The following PTCHD4 variants were observed in gnomAD, a reference collection of about 807,000 sequenced individuals.
The protein encoded by PTCHD4 is patched domain containing 4.
PTCHD4 carries 33 observed loss-of-function variants against 58.1 expected under a neutral mutation model. The ratio of observed to expected loss-of-function variants is 0.57; its 90% CI spans 0.43 to 0.76. The LOEUF is 0.76. Among genes scored for constraint, PTCHD4 ranks in the 30% least tolerant of loss-of-function variants. The probability of loss-of-function intolerance (pLI) is 0.00; values close to 1 mark genes in which losing one functional copy is unlikely to be tolerated. For synonymous variants in PTCHD4, 478 were observed against 409.6 expected (o/e 1.17, Z -2.02); for missense variants, 1,058 against 1,027.1 (o/e 1.03, Z -0.41).
At chr6:47,908,533 C>G (rs558437114) in intron 4 of PTCHD4, among the ~76,000 whole-genome samples, 6 of 152,218 alleles carry the variant, frequency 3.9e-5, no homozygotes, top group African/African-American at 1.4e-4. Flanking sequence ...TGATATTACC[C>G]CATTGTGGGG....
chr6:48,009,088 G>A lies in PTCHD4; in HGVS notation c.444C>T (p.His148=). The change falls in exon 4 of 5, where the codon CAC becomes CAT. Residue 148 remains histidine (H), a synonymous_variant. Coordinates refer to ENST00000339488, the MANE Select transcript of PTCHD4 (RefSeq NM_001384253.1). ...MKDGRNSFIG[H]QLGGVVEVPN... The stretch of plus-strand genomic sequence containing the variant: ...GCACTTCCACTACCCCGCCCAGTTG[G>A]TGTCCAATAAAACTGTTCCTCCCAT... 6.2e-7 allele frequency: 1 copy of A among 1,612,546 alleles called. No homozygotes were observed. The highest frequency in any genetic ancestry group is 1.3e-5 in the African/African-American group (1 of 74,978).
chr6:47,917,661 G>C (rs1331299302), intron 4 of PTCHD4, among the ~76,000 whole-genome samples: 1 of 152,110 alleles, frequency 6.6e-6, no homozygotes, highest in Non-Finnish European at 1.5e-5. Flanking sequence ...AAAAAGGTCT[G>C]AAATCTTACA....
Position 47,872,260 on chromosome 6 carries a change from G to A in PTCHD4, c.*6043C>T, listed in dbSNP as rs192739849. ...TTTTATTAAACACCAGTAATCTTTCGTCCATGAGAGTGTTTCCTAGTTATT... is the reference window on the plus strand; with the variant it reads ...TTTTATTAAACACCAGTAATCTTTCATCCATGAGAGTGTTTCCTAGTTATT... On this transcript the variant is annotated 3_prime_UTR_variant, in exon 5 of 5. Transcript: ENST00000339488. Among the ~76,000 whole-genome samples the A allele has an allele frequency of 3.4e-4, 51 of 151,652 alleles. No individual in the cohort carries two copies. The highest frequency in any genetic ancestry group is 7.8e-4 in the East Asian group (4 of 5,132).
intron 3 of PTCHD4, among the ~76,000 whole-genome samples, chr6:48,035,057 C>A (rs1197172748): frequency 6.6e-6 from 1 of 152,064 alleles, no homozygotes; most frequent in African/African-American, 2.4e-5. Flanking sequence ...AAATGTATAT[C>A]AAATGCAAAA....
Position 47,958,359 on chromosome 6 carries a change from C to A in PTCHD4, c.898+50275G>T, listed in dbSNP as rs114424482. On this transcript the variant is annotated intron_variant, in intron 4 of 4. Transcript: ENST00000339488. ...ACAAGACAACATCTAAAAGACAAGA[C>A]CACACCTAAAACAACCAAGAACTGG... 3.4e-3 allele frequency among the ~76,000 whole-genome samples: 520 copies of A among 152,228 alleles called. 7 individuals carry two copies. The highest frequency in any genetic ancestry group is 0.012 in the African/African-American group (496 of 41,556).
Position 47,878,137 on chromosome 6 carries a change from T to C in PTCHD4, c.*166A>G. 1 of 555,506 alleles carries C rather than the reference T, an allele frequency of 1.8e-6. No homozygotes were observed. The allele number at this position is 555,506 out of a possible 1,614,324, so 34.4% of individuals were successfully genotyped here. ...AACTTTTTCCTCTTTTTTTATTCCC[T>C]CTTCCCCCCAAGAAGCAGGCACCTT... On this transcript the variant is annotated 3_prime_UTR_variant, in exon 5 of 5. Coordinates refer to ENST00000339488, the MANE Select transcript of PTCHD4 (RefSeq NM_001384253.1).
chr6:48,020,244 C>A (rs1473868142), intron 3 of PTCHD4, among the ~76,000 whole-genome samples: 2 of 151,942 alleles, frequency 1.3e-5, no homozygotes, highest in Non-Finnish European at 2.9e-5. Flanking sequence ...GCAAGACTTA[C>A]CTAACTGATT....
rs139803192 is a variant in PTCHD4, at chr6:47,874,673, C to A, written c.*3630G>T. ...ACATTTGTCATCATTATTCTTCTCA[C>A]CTCACAAGGTAAAAACCTAAATTCT... On this transcript the variant is annotated 3_prime_UTR_variant, in exon 5 of 5. Transcript: ENST00000339488. Among the ~76,000 whole-genome samples, 139 of 151,740 alleles carry A rather than the reference C, an allele frequency of 9.2e-4. 2 individuals are homozygous for A. Among genetic ancestry groups the A allele is most frequent in the Middle Eastern group, 6.8e-3 (2 of 294 alleles).
chr6:47,904,193 G>C (rs1231467136), intron 4 of PTCHD4, among the ~76,000 whole-genome samples: 1 of 152,196 alleles, frequency 6.6e-6, no homozygotes, highest in Admixed American at 6.5e-5. Context: ...CATTAGATAA[G>C]ATCACCTTGG....
At chr6:48,080,866 C>T (rs989244816) in intron 1 of PTCHD4, among the ~76,000 whole-genome samples, 1 of 152,176 alleles carries the variant, frequency 6.6e-6, no homozygotes, top group African/African-American at 2.4e-5. Context: ...CCACCAGCCT[C>T]AGCTCTCCCG....
chr6:47,970,945 T>C (rs1767483878), intron 4 of PTCHD4, among the ~76,000 whole-genome samples: 1 of 152,180 alleles, frequency 6.6e-6, no homozygotes, highest in Admixed American at 6.5e-5. Context: ...AATATCAAAC[T>C]CAAGATTTGA....
intron 4 of PTCHD4, among the ~76,000 whole-genome samples, chr6:48,003,814 T>C (rs12197671): frequency 0.17 from 25,730 of 152,134 alleles, 2,511 homozygotes; most frequent in South Asian, 0.23. Context: ...TCCAGACATA[T>C]TCGCTTTCTT....
At chr6:48,057,181 TTTTTTTTTG>T (rs1366221502) in intron 3 of PTCHD4, among the ~76,000 whole-genome samples, 1 of 132,280 alleles carries the variant, frequency 7.6e-6, no homozygotes, top group South Asian at 2.5e-4. Flanking sequence ...GTTTTTTTTG[TTTTTTTTTG>T]TTTTTTTTGT....
At position 47,864,568 on chromosome 6, in the gene PTCHD4, G is replaced by T. The variant is rs1278680342; in HGVS notation, c.*13735C>A. On this transcript the variant is annotated 3_prime_UTR_variant, in exon 5 of 5. Coordinates refer to ENST00000339488, the MANE Select transcript of PTCHD4 (RefSeq NM_001384253.1). Reference sequence around the variant, plus strand: ...AAAGGGCATCGCATAAAGCTACGTGGATGATCAAGCTGCTGTGTGGCCCCA... The same window carrying T: ...AAAGGGCATCGCATAAAGCTACGTGTATGATCAAGCTGCTGTGTGGCCCCA... Among the ~76,000 whole-genome samples the T allele has an allele frequency of 6.6e-6, 1 of 151,902 alleles. No individual in the cohort carries two copies. Among genetic ancestry groups the T allele is most frequent in the African/African-American group, 2.4e-5 (1 of 41,406 alleles).
intron 4 of PTCHD4, among the ~76,000 whole-genome samples, chr6:47,957,852 C>T (rs2113961768): frequency 6.6e-6 from 1 of 152,090 alleles, no homozygotes; most frequent in East Asian, 1.9e-4. Context: ...GATCTGCCCA[C>T]CTCGGCCTCC....
intron 3 of PTCHD4, among the ~76,000 whole-genome samples, chr6:48,057,171 G>GTTCTTTTTGT (rs1764438545): frequency 6.7e-6 from 1 of 149,400 alleles, no homozygotes; most frequent in Non-Finnish European, 1.5e-5. Context: ...TCTGGCGGCG[G>GTTCTTTTTGT]TTTTTTTTGT....
rs1386592981 is a variant in PTCHD4 at position 48,045,311 on chromosome 6, TCTC to T, written c.417+22916_417+22918del. Among the ~76,000 whole-genome samples, 5 of 151,838 alleles carry T rather than the reference TCTC, an allele frequency of 3.3e-5. 1 individual carries two copies. In the East Asian group the frequency reaches 9.7e-4, roughly 29 times the overall value. On this transcript the variant is annotated intron_variant, in intron 3 of 4. Coordinates refer to ENST00000339488, the MANE Select transcript of PTCHD4 (RefSeq NM_001384253.1). ...CCTTTACTATGGTTTGATTCCATTC[TCTC>T]CTCTAACAGCAGAGGTGAGAAATAG...
Position 47,861,137 on chromosome 6 carries a change from T to C in PTCHD4, c.*17166A>G, listed in dbSNP as rs550913721. On this transcript the variant is annotated 3_prime_UTR_variant, in exon 5 of 5. Coordinates refer to ENST00000339488, the MANE Select transcript of PTCHD4 (RefSeq NM_001384253.1). ...GGCGTGAAGAAGGGCAAGATTGTTT[T>C]TCTCCATCTGTAGATGAATTCTTCT... 6.6e-6 allele frequency among the ~76,000 whole-genome samples: 1 copy of C among 152,084 alleles called. No homozygotes were observed. The highest frequency in any genetic ancestry group is 2.4e-5 in the African/African-American group (1 of 41,552).
At chr6:48,033,203 G>A (rs1763513155) in intron 3 of PTCHD4, among the ~76,000 whole-genome samples, 1 of 152,004 alleles carries the variant, frequency 6.6e-6, no homozygotes, top group Non-Finnish European at 1.5e-5. Flanking sequence ...CCAGTATCAT[G>A]GGAAATCCCA....
Sources: allele counts gnomAD v4.1 joint callset (sites outside exome capture counted in the v4.1 genomes callset), GRCh38; gene constraint gnomAD v4.1.1; transcripts MANE v1.5; gene names NCBI Gene and HGNC (gene_info 2026-07-23, HGNC 2026-07-21).